ZNF609: variants seen among roughly 807,000 people sequenced by gnomAD.
ZNF609 encodes zinc finger protein 609.
ZNF609 carries 11 observed loss-of-function variants against 109.5 expected under a neutral mutation model. The observed-to-expected ratio is 0.10, with a 90% CI of 0.06 to 0.17. The LOEUF (loss-of-function observed/expected upper bound fraction) is 0.17. Among genes scored for constraint, ZNF609 ranks in the 10% least tolerant of loss-of-function variants. The probability of loss-of-function intolerance (pLI) is 1.00; values close to 1 mark genes in which losing one functional copy is unlikely to be tolerated. For synonymous variants in ZNF609, 646 were observed against 662.0 expected (o/e 0.98, Z 0.37); for missense variants, 1,559 against 1,772.4 (o/e 0.88, Z 2.16).
Position 64,680,269 on chromosome 15 carries a change from G to A in ZNF609, c.3854G>A (p.Ser1285Asn). 1.2e-6 allele frequency: 2 copies of A among 1,614,230 alleles called. No individual in the cohort carries two copies. Among genetic ancestry groups the A allele is most frequent in the African/African-American group, 2.7e-5 (2 of 75,054 alleles). ...GGEDADKARA[S>N]PSVTCKSSSE... ...GAAGATGCTGACAAGGCACGAGCCA[G>A]CCCCAGTGTGACTTGTAAATCCAGC... The change falls in exon 7 of 10, where the codon AGC (serine) becomes AAC (asparagine). Residue 1285 changes from serine (S) to asparagine (N), a missense_variant. This residue lies in a region of ZNF609 where 1,204 missense variants were observed against 1,314.1 expected (regional missense o/e 0.92). Transcript: ENST00000326648.
At chr15:64,491,351 A>G (rs1453895576) in intron 1 of ZNF609, among the ~76,000 whole-genome samples, 2 of 152,234 alleles carry the variant, frequency 1.3e-5, no homozygotes, top group African/African-American at 2.4e-5. Context: ...ATTTCAGGGC[A>G]ACATCTAGAA....
At chr15:64,576,449 GA>G (rs917865312) in intron 2 of ZNF609, among the ~76,000 whole-genome samples, 110 of 140,656 alleles carry the variant, frequency 7.8e-4, no homozygotes, top group East Asian at 5.7e-3. Flanking sequence ...TTTTGTTCTA[GA>G]AAAAAAAAAA....
rs958723430 is a variant in ZNF609 at position 64,475,732 on chromosome 15, C to A, written c.-128+14894C>A. On this transcript the variant is annotated intron_variant, in intron 1 of 9. Coordinates refer to ENST00000326648, the MANE Select transcript of ZNF609 (RefSeq NM_015042.2). ...CTGTAATTATTTGTGAATATATTTT[C>A]TTCATCCCTCATTTTAAGCTCGTGA... Among the ~76,000 whole-genome samples, 5 of 152,126 alleles carry A rather than the reference C, an allele frequency of 3.3e-5. No homozygotes were observed. In the East Asian group the frequency reaches 7.7e-4, roughly 23 times the overall value.
chr15:64,623,969 C>T (rs1048705592), intron 3 of ZNF609, among the ~76,000 whole-genome samples: 5 of 152,196 alleles, frequency 3.3e-5, no homozygotes, highest in Non-Finnish European at 7.3e-5. Context: ...AGGAGCACAG[C>T]TAATCATCTC....
At chr15:64,521,786 C>G (rs1011760623) in intron 2 of ZNF609, among the ~76,000 whole-genome samples, 1 of 152,030 alleles carries the variant, frequency 6.6e-6, no homozygotes, top group Non-Finnish European at 1.5e-5. Context: ...GCAGAGTGAG[C>G]CTTCTGAGGA....
chr15:64,541,839 CAAAAAAAAAAA>C lies in ZNF609; in HGVS notation c.747+41688_747+41698del, dbSNP rs59597800. Among the ~76,000 whole-genome samples, 66 of 42,208 alleles carry C rather than the reference CAAAAAAAAAAA, an allele frequency of 1.6e-3. 1 individual carries two copies. The highest frequency in any genetic ancestry group is 3.9e-3 in the African/African-American group (44 of 11,354). The allele number at this position is 42,208 out of a possible 152,430, so 27.7% of individuals were successfully genotyped here. ...TGGGCGACAGAGCGAGACTCCAACT[CAAAAAAAAAAA>C]AAAAAAAAAAAAAAGTAGAATTTCT... is the stretch of plus-strand genomic sequence containing the variant. On this transcript the variant is annotated intron_variant, in intron 2 of 9. Coordinates refer to ENST00000326648, the MANE Select transcript of ZNF609 (RefSeq NM_015042.2).
intron 3 of ZNF609, among the ~76,000 whole-genome samples, chr15:64,636,267 C>A (rs566610954): frequency 6.6e-6 from 1 of 152,300 alleles, no homozygotes; most frequent in South Asian, 2.1e-4. Flanking sequence ...CCTGTGCTTA[C>A]TCCTGCCAGA....
chr15:64,517,638 GGTGGGAAGTTCCT>G (rs1893832786), intron 2 of ZNF609, among the ~76,000 whole-genome samples: 1 of 151,978 alleles, frequency 6.6e-6, no homozygotes, highest in Non-Finnish European at 1.5e-5. Flanking sequence ...GGAAGGCTGA[GGTGGGAAGTTCCT>G]GTGAGCCCAG....
At chr15:64,565,040 G>A (rs1247294918) in intron 2 of ZNF609, among the ~76,000 whole-genome samples, 9 of 148,822 alleles carry the variant, frequency 6.0e-5, no homozygotes, top group Non-Finnish European at 1.3e-4. Flanking sequence ...AGTAGAGACG[G>A]GGTTTTCTTT....
intron 1 of ZNF609, among the ~76,000 whole-genome samples, chr15:64,470,767 G>C (rs1360397581): frequency 2.0e-5 from 3 of 152,184 alleles, no homozygotes; most frequent in East Asian, 3.9e-4. Flanking sequence ...TGATCCACCC[G>C]CCTTGGCCTC....
rs542688993 is a variant in ZNF609, at chr15:64,517,238, G to A, written c.747+17072G>A. On this transcript the variant is annotated intron_variant, in intron 2 of 9. Transcript: ENST00000326648. Reference sequence around the variant, plus strand: ...TAAAAAATACAAAAATTAGCTGGGTGTAGTGGTGCATGCCTGTAGTCCAAG... The same window carrying A: ...TAAAAAATACAAAAATTAGCTGGGTATAGTGGTGCATGCCTGTAGTCCAAG... Among the ~76,000 whole-genome samples the A allele has an allele frequency of 4.2e-4, 64 of 152,224 alleles. No individual in the cohort carries two copies. The Middle Eastern group carries it at 0.027, about 65-fold the overall frequency.
At chr15:64,672,308 A>G (rs1431178903) in intron 4 of ZNF609, among the ~76,000 whole-genome samples, 3 of 147,630 alleles carry the variant, frequency 2.0e-5, no homozygotes, top group Non-Finnish European at 4.5e-5. Context: ...CACCGCACCC[A>G]GCCCAAGGCT....
intron 1 of ZNF609, among the ~76,000 whole-genome samples, chr15:64,461,944 C>T (rs1445024320): frequency 6.6e-6 from 1 of 152,146 alleles, no homozygotes; most frequent in African/African-American, 2.4e-5. Flanking sequence ...GATGACTGTT[C>T]TGCTGCCACA....
At chr15:64,541,477 G>A (rs1367528239) in intron 2 of ZNF609, among the ~76,000 whole-genome samples, 4 of 151,154 alleles carry the variant, frequency 2.6e-5, no homozygotes, top group African/African-American at 9.7e-5. Flanking sequence ...AGAATAATTG[G>A]CAGAGTGGTA....
intron 3 of ZNF609, among the ~76,000 whole-genome samples, chr15:64,638,195 C>T (rs1324711149): frequency 1.3e-5 from 2 of 151,706 alleles, no homozygotes; most frequent in Non-Finnish European, 2.9e-5. Flanking sequence ...AGCAGTGTCA[C>T]ATTTGTCGTA....
chr15:64,557,613 A>C (rs1253327731), intron 2 of ZNF609, among the ~76,000 whole-genome samples: 2 of 152,172 alleles, frequency 1.3e-5, no homozygotes, highest in Non-Finnish European at 2.9e-5. Flanking sequence ...AGAGCTATTA[A>C]AGACTTTTTG....
At chr15:64,630,091 C>CTTTT (rs200425813) in intron 3 of ZNF609, among the ~76,000 whole-genome samples, 2,448 of 142,670 alleles carry the variant, frequency 0.017, 89 homozygotes, top group African/African-American at 0.033. Flanking sequence ...TCCTAATTTT[C>CTTTT]TTTTTTCTTT....
chr15:64,559,109 C>G (rs545201353), intron 2 of ZNF609, among the ~76,000 whole-genome samples: 58 of 152,234 alleles, frequency 3.8e-4, no homozygotes, highest in Middle Eastern at 3.4e-3. Context: ...TACATAATTC[C>G]CAGGCTGAAC....
At chr15:64,590,274 A>G (rs1403269281) in intron 2 of ZNF609, among the ~76,000 whole-genome samples, 2 of 152,158 alleles carry the variant, frequency 1.3e-5, no homozygotes, top group African/African-American at 4.8e-5. Flanking sequence ...AAGGTCATAC[A>G]TATTAGTAGG....
Sources: allele counts gnomAD v4.1 joint callset (sites outside exome capture counted in the v4.1 genomes callset), GRCh38; gene constraint gnomAD v4.1.1; regional missense constraint gnomAD v4.1.1; transcripts MANE v1.5; gene names NCBI Gene and HGNC (gene_info 2026-07-23, HGNC 2026-07-21).